Variants in RANBP3L observed in about 807,000 individuals in gnomAD.
RANBP3L encodes ran-binding protein 3-like.
In RANBP3L, 56 loss-of-function variants were observed where a neutral mutation model predicts 67.2. The observed-to-expected ratio is 0.83, with a 90% CI of 0.67 to 1.04. RANBP3L has a LOEUF of 1.04. Ranked by LOEUF, RANBP3L falls within the 50% of genes least tolerant of loss-of-function variation. The probability of loss-of-function intolerance (pLI) is 0.00; values close to 1 mark genes in which losing one functional copy is unlikely to be tolerated. For missense variants in RANBP3L, 496 were observed against 535.5 expected (o/e 0.93, Z 0.73); for synonymous variants, 164 against 181.4 (o/e 0.90, Z 0.77).
At chr5:36,262,983 AAAT>A (rs1386990933) in intron 6 of RANBP3L, among the ~76,000 whole-genome samples, 1 of 152,188 alleles carries the variant, frequency 6.6e-6, no homozygotes, top group African/African-American at 2.4e-5. Flanking sequence ...GATAGGATGA[AAAT>A]AATTTATCTG....
At chr5:36,291,886 C>G (rs1412176972) in intron 1 of RANBP3L, among the ~76,000 whole-genome samples, 1 of 132,674 alleles carries the variant, frequency 7.5e-6, no homozygotes, top group Non-Finnish European at 1.6e-5. Flanking sequence ...TTTATAGCAG[C>G]ATGATTTATA....
chr5:36,267,097 G>A lies in RANBP3L; in HGVS notation c.269-1577C>T, dbSNP rs565359690. Among the ~76,000 whole-genome samples, 688 of 152,258 alleles carry A rather than the reference G, an allele frequency of 4.5e-3. 9 individuals are homozygous for A. Among genetic ancestry groups the A allele is most frequent in the African/African-American group, 0.015 (634 of 41,546 alleles). On this transcript the variant is annotated intron_variant, in intron 4 of 13. Transcript: ENST00000296604. Reference sequence around the variant, plus strand: ...CTTAATGTCTGAGCTTGTCAGTCAGGTTAGAAGGACTAGAGACACTAAAAG... The same window carrying A: ...CTTAATGTCTGAGCTTGTCAGTCAGATTAGAAGGACTAGAGACACTAAAAG...
chr5:36,247,035 AT>A lies in RANBP3L; in HGVS notation c.*2618del, dbSNP rs199657411. ...ATAATGACATAAATTAGTTAATTAA[AT>A]TTTAATTAAAAACAGCTGCTTTGGA... On this transcript the variant is annotated 3_prime_UTR_variant, in exon 14 of 14. Coordinates refer to ENST00000296604, the MANE Select transcript of RANBP3L (RefSeq NM_145000.5). 7.3e-3 allele frequency among the ~76,000 whole-genome samples: 1,111 copies of A among 152,328 alleles called. 11 individuals carry two copies. The highest frequency in any genetic ancestry group is 0.037 in the Middle Eastern group (11 of 294).
intron 1 of RANBP3L, among the ~76,000 whole-genome samples, chr5:36,288,011 A>C (rs746968865): frequency 2.6e-5 from 4 of 152,218 alleles, no homozygotes; most frequent in Non-Finnish European, 5.9e-5. Context: ...GAGGCCTCCT[A>C]GGCAGTCTCA....
chr5:36,266,322 G>T (rs1277369481), intron 4 of RANBP3L, among the ~76,000 whole-genome samples: 2 of 152,154 alleles, frequency 1.3e-5, no homozygotes, highest in Non-Finnish European at 2.9e-5. Flanking sequence ...GACTGTGGTG[G>T]TGGCTCCGAG....
chr5:36,252,052 C>T (rs375118286), intron 12 of RANBP3L, among the ~76,000 whole-genome samples: 127 of 152,128 alleles, frequency 8.3e-4, no homozygotes, highest in African/African-American at 2.7e-3. Flanking sequence ...GTTGGCATAA[C>T]ATTTACTGTT....
chr5:36,261,028 A>G (rs1749347127), intron 7 of RANBP3L, among the ~76,000 whole-genome samples, 164 bp from the exon 8 acceptor site: 1 of 152,230 alleles, frequency 6.6e-6, no homozygotes, highest in Non-Finnish European at 1.5e-5. Context: ...AGATAGTGGC[A>G]TCCAGAGGTG....
intron 4 of RANBP3L, among the ~76,000 whole-genome samples, chr5:36,266,766 T>C (rs1749821297): frequency 6.6e-6 from 1 of 152,110 alleles, no homozygotes; most frequent in Admixed American, 6.5e-5. Context: ...ACTTTTTTTT[T>C]TTTTCTTTGA....
At chr5:36,276,983 T>C (rs1750618120) in intron 1 of RANBP3L, among the ~76,000 whole-genome samples, 1 of 152,088 alleles carries the variant, frequency 6.6e-6, no homozygotes, top group African/African-American at 2.4e-5. Flanking sequence ...TTCTCCATGC[T>C]GGATAGAACC....
At chr5:36,296,162 G>C (rs1038133422) in intron 1 of RANBP3L, among the ~76,000 whole-genome samples, 6 of 152,144 alleles carry the variant, frequency 3.9e-5, no homozygotes, top group Non-Finnish European at 5.9e-5. Context: ...AATGGAAATT[G>C]AAAGTACAGA....
intron 1 of RANBP3L, among the ~76,000 whole-genome samples, chr5:36,297,778 T>C (rs558618810): frequency 2.6e-5 from 4 of 152,228 alleles, no homozygotes; most frequent in African/African-American, 9.6e-5. Context: ...TGATAGAGCA[T>C]TTGTTGTCAT....
rs1748357309 is a variant in RANBP3L at position 36,247,516 on chromosome 5, A to C, written c.*2138T>G. On this transcript the variant is annotated 3_prime_UTR_variant, in exon 14 of 14. Transcript: ENST00000296604. ...GAAAATCATAGAATGAATTCAACTT[A>C]AAATGTTTCAAGCATTGAGAAGATA... is the stretch of plus-strand genomic sequence containing the variant. Among the ~76,000 whole-genome samples, 1 of 152,238 alleles carries C rather than the reference A, an allele frequency of 6.6e-6. No individual in the cohort carries two copies. The highest frequency in any genetic ancestry group is 2.4e-5 in the African/African-American group (1 of 41,468).
chr5:36,294,771 A>G (rs1048336237), intron 1 of RANBP3L, among the ~76,000 whole-genome samples: 3 of 149,462 alleles, frequency 2.0e-5, no homozygotes, highest in African/African-American at 7.3e-5. Context: ...GTGTATATAT[A>G]TAGTGTGTAT....
In RANBP3L at chr5:36,255,880, GTT is replaced by G. The variant is rs1748941853; in HGVS notation, c.904-292_904-291del. The stretch of plus-strand genomic sequence containing the variant: ...AAGTAACCACTGGTGTAAATATTTT[GTT>G]TATCTTTCCAGAGATATTTGTACAT... On this transcript the variant is annotated intron_variant, in intron 10 of 13. Transcript: ENST00000296604. Among the ~76,000 whole-genome samples, 7 of 151,912 alleles carry G rather than the reference GTT, an allele frequency of 4.6e-5. 1 individual carries two copies. The highest frequency in any genetic ancestry group is 3.9e-4 in the Admixed American group (6 of 15,222).
chr5:36,258,805 C>T lies in RANBP3L; in HGVS notation c.670-1249G>A, dbSNP rs566763289. 2.6e-4 allele frequency among the ~76,000 whole-genome samples: 39 copies of T among 152,306 alleles called. 1 individual carries two copies. In the South Asian group the frequency reaches 8.1e-3, roughly 32 times the overall value. ...AGGGCCCAGTGTCTCCTTTAGCTTG[C>T]ATAACCACTTAGGTGGTTTTCAAAC... is the stretch of plus-strand genomic sequence containing the variant. On this transcript the variant is annotated intron_variant, in intron 8 of 13. Coordinates refer to ENST00000296604, the MANE Select transcript of RANBP3L (RefSeq NM_145000.5).
intron 1 of RANBP3L, among the ~76,000 whole-genome samples, chr5:36,274,932 C>T (rs1321844937): frequency 4.0e-5 from 6 of 151,870 alleles, no homozygotes; most frequent in African/African-American, 1.5e-4. Flanking sequence ...AAAATACAGT[C>T]TTCTGTGGCA....
intron 1 of RANBP3L, among the ~76,000 whole-genome samples, chr5:36,292,121 TGG>T (rs1235742710): frequency 6.6e-6 from 1 of 151,720 alleles, no homozygotes; most frequent in Non-Finnish European, 1.5e-5. Context: ...TATCTCATTG[TGG>T]TTTTGATTTG....
intron 12 of RANBP3L, among the ~76,000 whole-genome samples, chr5:36,253,084 G>C (rs545026109): frequency 1.4e-4 from 21 of 152,070 alleles, no homozygotes; most frequent in African/African-American, 4.8e-4. Context: ...GCTCTCTTGG[G>C]TCTGGATCTT....
At chr5:36,264,495 CT>C (rs1218168433) in intron 6 of RANBP3L, among the ~76,000 whole-genome samples, 1 of 152,166 alleles carries the variant, frequency 6.6e-6, no homozygotes, top group Non-Finnish European at 1.5e-5. Flanking sequence ...TTCCCAAACC[CT>C]CCCAACTACA....
Sources: gnomAD v4.1 joint callset for allele counts (sites outside exome capture counted in the v4.1 genomes callset) on GRCh38, gnomAD v4.1.1 for gene constraint, MANE v1.5 for transcripts, NCBI Gene and HGNC (gene_info 2026-07-23, HGNC 2026-07-21) for gene names.